KLHL36: variants seen among roughly 807,000 people sequenced by gnomAD.
The protein encoded by KLHL36 is kelch-like protein 36.
KLHL36 carries 35 observed loss-of-function variants against 53.3 expected under a neutral mutation model. The observed-to-expected ratio is 0.66, with a 90% CI of 0.50 to 0.87. KLHL36 has a LOEUF of 0.87. Ranked by LOEUF, KLHL36 falls within the 40% of genes least tolerant of loss-of-function variation. The pLI is 0.00. For missense variants in KLHL36, 864 were observed against 897.6 expected, an observed-to-expected ratio of 0.96 and a Z score of 0.48; for synonymous variants, 472 against 398.9, an observed-to-expected ratio of 1.18 and a Z score of -2.18.
chr16:84,657,796 C>T lies in KLHL36; in HGVS notation c.989C>T (p.Pro330Leu), dbSNP rs371430023. ...AGCGAGCAGTGGGTCAAAGAGACGC[C>T]GCTGCCCGCCCGGCGGAGCCACCAC... ...AKSEQWVKET[P>L]LPARRSHHCV... Residue 330 changes from proline to leucine, a missense_variant, in exon 3 of 5, where the codon CCG becomes CTG. Transcript: ENST00000564996. 8.7e-6 allele frequency: 14 copies of T among 1,606,096 alleles called. No individual in the cohort carries two copies. Among genetic ancestry groups the T allele is most frequent in the Admixed American group, 1.7e-5 (1 of 59,614 alleles).
chr16:84,653,159 G>A (rs1181747431), intron 2 of KLHL36, among the ~76,000 whole-genome samples: 6 of 152,142 alleles, frequency 3.9e-5, no homozygotes, highest in Non-Finnish European at 8.8e-5. Context: ...AGAGGTTGCA[G>A]TGAGCTATGA....
At chr16:84,650,316 C>T (rs764727573) in intron 1 of KLHL36, among the ~76,000 whole-genome samples, 2 of 152,084 alleles carry the variant, frequency 1.3e-5, no homozygotes. Context: ...CTCTCGAACC[C>T]GGGCCTCATT....
intron 1 of KLHL36, chr16:84,649,343 G>C (rs1202221458): frequency 1.3e-5 from 2 of 152,344 alleles, no homozygotes; most frequent in Admixed American, 1.3e-4. Context: ...AAAATAAAGC[G>C]TTGAGCGTTA....
chr16:84,661,447 A>T lies in KLHL36; in HGVS notation c.1296-131A>T, dbSNP rs1907539633. On this transcript the variant is annotated intron_variant, in intron 4 of 4. Coordinates refer to ENST00000564996, the MANE Select transcript of KLHL36 (RefSeq NM_024731.4). This position sits in a 1 kb window ranked among gnomAD's most constrained non-coding sequence, Gnocchi z 7.9. Reference sequence around the variant, plus strand: ...GACGGCTACTGTCTATAGAGTGTTCATGGGGTGCCCACTCCCTATATTCTT... The same window carrying T: ...GACGGCTACTGTCTATAGAGTGTTCTTGGGGTGCCCACTCCCTATATTCTT... 1 of 864,072 alleles carries T rather than the reference A, an allele frequency of 1.2e-6. No homozygotes were observed. The highest frequency in any genetic ancestry group is 2.5e-5 in the East Asian group (1 of 39,908). 53.5% of individuals were successfully genotyped at this position (864,072 alleles called of 1,614,324 possible). A position where few individuals can be genotyped will look rare whatever the true frequency, so the allele number is the denominator to read the frequency against.
At chr16:84,659,664 T>G in intron 3 of KLHL36, 96 bp from the exon 4 acceptor site, 5 of 1,249,612 alleles carry the variant, frequency 4.0e-6, no homozygotes, top group Non-Finnish European at 4.5e-6. Context: ...TCTCCGGGGT[T>G]GTGCATTCCG....
intron 1 of KLHL36, chr16:84,649,372 G>C (rs1336162641): frequency 1.3e-5 from 2 of 152,450 alleles, no homozygotes; most frequent in African/African-American, 4.8e-5. Context: ...GGTTGATTCT[G>C]GGCAGGCTGC....
chr16:84,650,539 G>C (rs1364874741), intron 1 of KLHL36, among the ~76,000 whole-genome samples: 1 of 152,104 alleles, frequency 6.6e-6, no homozygotes, highest in African/African-American at 2.4e-5. Context: ...TGTAGTCTGG[G>C]CTCCGAAATG....
rs778307484 is a variant in KLHL36 at position 84,657,170 on chromosome 16, G to A, written c.363G>A (p.Glu121=). ...LDGGNIDYVL[E]TAHLLQIWTV... ...GCGGCAACATTGACTACGTCCTGGA[G>A]ACGGCTCACCTGCTGCAGATCTGGA... The change falls in exon 3 of 5, where the codon GAG becomes GAA. Residue 121 remains glutamate, a synonymous_variant. Coordinates refer to ENST00000564996, the MANE Select transcript of KLHL36 (RefSeq NM_024731.4). 3 of 1,614,174 alleles carry A rather than the reference G, an allele frequency of 1.9e-6. No individual in the cohort carries two copies. In the East Asian group the frequency reaches 6.7e-5, roughly 36 times the overall value.
At chr16:84,658,218 G>A (rs965074480) in intron 3 of KLHL36, 33 of 324,708 alleles carry the variant, frequency 1.0e-4, no homozygotes, top group Admixed American at 9.6e-4. Context: ...TGTACTTCCC[G>A]ATACGGTAGC....
intron 2 of KLHL36, among the ~76,000 whole-genome samples, chr16:84,652,956 G>A (rs961464035): frequency 2.0e-5 from 3 of 152,132 alleles, no homozygotes; most frequent in Admixed American, 6.5e-5. Context: ...AGTGGCTCAC[G>A]CCTGTAATCC....
Position 84,656,854 on chromosome 16 carries a change from G to GT in KLHL36, c.64-16dup, listed in dbSNP as rs1300789449. 11 of 1,586,358 alleles carry GT rather than the reference G, an allele frequency of 6.9e-6. No homozygotes were observed. Among genetic ancestry groups the GT allele is most frequent in the Non-Finnish European group, 9.5e-6 (11 of 1,162,582 alleles). On this transcript the variant is annotated splice_polypyrimidine_tract_variant and intron_variant, in intron 2 of 4. Coordinates refer to ENST00000564996, the MANE Select transcript of KLHL36 (RefSeq NM_024731.4). The stretch of plus-strand genomic sequence containing the variant: ...AGCAGGCTGCTGCGCCGTTTCTAAT[G>GT]TGTCTTCTCTGTCCAGGTATACCGC...
chr16:84,655,969 T>C (rs1907176785), intron 2 of KLHL36, among the ~76,000 whole-genome samples: 1 of 152,092 alleles, frequency 6.6e-6, no homozygotes, highest in African/African-American at 2.4e-5. Flanking sequence ...CATGGCTCAC[T>C]GCAGCCTCAA....
At chr16:84,659,502 G>A (rs1040277040) in intron 3 of KLHL36, 10 of 432,788 alleles carry the variant, frequency 2.3e-5, no homozygotes, top group Admixed American at 7.4e-5. Flanking sequence ...AGAAGTTCGG[G>A]GGTTCAGAGC....
chr16:84,656,265 G>T (rs1907192903), intron 2 of KLHL36, among the ~76,000 whole-genome samples: 1 of 150,264 alleles, frequency 6.7e-6, no homozygotes, highest in African/African-American at 2.4e-5. Flanking sequence ...GTTTTGTTTT[G>T]TTTGTTTGTT....
rs772198707 is a variant in KLHL36, at chr16:84,661,683, C to T, written c.1401C>T (p.Asp467=). The stretch of plus-strand genomic sequence containing the variant: ...ACCGCAAGAACCTGCTATGCTACGA[C>T]CACCGGACAGACGTGTGGGAGGAGC... ...GPYRKNLLCY[D]HRTDVWEERR... is the part of the protein sequence containing the mutation. The change falls in exon 5 of 5, where the codon GAC becomes GAT. Residue 467 remains aspartate (D), a synonymous_variant. Transcript: ENST00000564996. The surrounding 1 kb of genome is among the most constrained non-coding windows in gnomAD (Gnocchi z 7.9). 10 of 1,613,748 alleles carry T rather than the reference C, an allele frequency of 6.2e-6. No individual in the cohort carries two copies. In the South Asian group the frequency reaches 1.1e-4, roughly 18 times the overall value.
Position 84,661,554 on chromosome 16 carries a change from T to G in KLHL36, c.1296-24T>G. Reference sequence around the variant, plus strand: ...CTGGCACAGCCCTGAGCTCTCCCTCTGTCTCTGCCCGTCGACCCTGCAGGT... The same window carrying G: ...CTGGCACAGCCCTGAGCTCTCCCTCGGTCTCTGCCCGTCGACCCTGCAGGT... On this transcript the variant is annotated intron_variant, in intron 4 of 4. Transcript: ENST00000564996. This position sits in a 1 kb window ranked among gnomAD's most constrained non-coding sequence, Gnocchi z 7.9. 6.4e-7 allele frequency: 1 copy of G among 1,552,606 alleles called. No individual in the cohort carries two copies. The highest frequency in any genetic ancestry group is 8.7e-7 in the Non-Finnish European group (1 of 1,145,470).
At chr16:84,657,996 C>T in intron 3 of KLHL36, 52 bp downstream of exon 3, 1 of 1,343,560 alleles carries the variant, frequency 7.4e-7, no homozygotes, top group Non-Finnish European at 1.0e-6. Flanking sequence ...TCTCGGTTTC[C>T]TTAACCTAGC....
At position 84,659,933 on chromosome 16, in the gene KLHL36, G is replaced by T; in HGVS notation, c.1295+16G>T. ...GCTTGCCAAGGTGATCTGGGGCTTG[G>T]TGGAAGGTTCTCCAAATGGGATGTT... On this transcript the variant is annotated intron_variant, in intron 4 of 4. Transcript: ENST00000564996. 4 of 1,597,424 alleles carry T rather than the reference G, an allele frequency of 2.5e-6. No individual in the cohort carries two copies. Among genetic ancestry groups the T allele is most frequent in the Non-Finnish European group, 3.4e-6 (4 of 1,166,890 alleles).
rs201134135 is a variant in KLHL36, at chr16:84,657,597, G to A, written c.790G>A (p.Glu264Lys). The A allele has an allele frequency of 8.1e-6, 13 of 1,611,254 alleles. No individual in the cohort carries two copies. Among genetic ancestry groups the A allele is most frequent in the African/African-American group, 1.3e-5 (1 of 75,048 alleles). The change falls in exon 3 of 5, where the codon GAG becomes AAG. Residue 264 changes from glutamate to lysine, a missense_variant. Physicochemically the swap from Glu to Lys is moderately conservative, Grantham distance 56 (BLOSUM62 1). Coordinates refer to ENST00000564996, the MANE Select transcript of KLHL36 (RefSeq NM_024731.4). ...GCTGCTGCCCAAGGAGGCCAACTGC[G>A]AGGGCTTCATCGAGGAGGCCGTGCG... ...CSLLPKEANC[E>K]GFIEEAVRYH...
Sources: allele counts gnomAD v4.1 joint callset (sites outside exome capture counted in the v4.1 genomes callset), GRCh38; gene constraint gnomAD v4.1.1; non-coding constraint Gnocchi (gnomAD v3.1); transcripts MANE v1.5; gene names NCBI Gene and HGNC (gene_info 2026-07-23, HGNC 2026-07-21).